Variants in CACNA1D observed in about 807,000 individuals in gnomAD.
The protein encoded by CACNA1D is voltage-dependent L-type calcium channel subunit alpha-1D.
CACNA1D carries 55 observed loss-of-function variants against 257.1 expected under a neutral mutation model. The ratio of observed to expected loss-of-function variants is 0.21; its 90% confidence interval spans 0.17 to 0.27. CACNA1D has a LOEUF of 0.27. Ranked by LOEUF, CACNA1D falls within the 10% of genes least tolerant of loss-of-function variation. The pLI is 1.00. For missense variants in CACNA1D, 1,876 were observed against 2,784.0 expected, an observed-to-expected ratio of 0.67 and a Z score of 7.34; for synonymous variants, 980 against 1,014.9, an observed-to-expected ratio of 0.97 and a Z score of 0.65.
chr3:53,695,232 G>A lies in CACNA1D; in HGVS notation c.1221-7409G>A, dbSNP rs74737929. ...GCAGCAGCTGAAAGGTCTTTAGAAC[G>A]TGCTGTGATCTGGTGTCGCTGCCGA... On this transcript the variant is annotated intron_variant, in intron 8 of 47. Transcript: ENST00000350061. Among the ~76,000 whole-genome samples the A allele has an allele frequency of 6.6e-5, 10 of 152,278 alleles. No individual in the cohort carries two copies. In the East Asian group the frequency reaches 1.9e-3, roughly 29 times the overall value.
chr3:53,770,328 C>A (rs2095359513), intron 31 of CACNA1D, 96 bp from the exon 32 acceptor site: 1 of 1,189,390 alleles, frequency 8.4e-7, no homozygotes, highest in Non-Finnish European at 1.3e-6. Context: ...ATCTTCAGTT[C>A]TTACCTCTGT....
chr3:53,663,583 C>T (rs1249229047), intron 5 of CACNA1D, among the ~76,000 whole-genome samples: 2 of 152,148 alleles, frequency 1.3e-5, no homozygotes, highest in Non-Finnish European at 2.9e-5. Context: ...TTTTCTGTCC[C>T]TTGGCGGGTA....
At chr3:53,659,219 A>G (rs2094179081) in intron 4 of CACNA1D, among the ~76,000 whole-genome samples, 1 of 152,192 alleles carries the variant, frequency 6.6e-6, no homozygotes, top group Admixed American at 6.5e-5. Flanking sequence ...CTGAAAATAG[A>G]TTTATCTGAA....
At chr3:53,558,727 G>A (rs1466858674) in intron 3 of CACNA1D, among the ~76,000 whole-genome samples, 4 of 152,130 alleles carry the variant, frequency 2.6e-5, no homozygotes, top group Non-Finnish European at 5.9e-5. Flanking sequence ...TGAGAAATCT[G>A]TAATAATTCA....
intron 3 of CACNA1D, among the ~76,000 whole-genome samples, chr3:53,617,012 C>T (rs180697605): frequency 6.6e-6 from 1 of 152,246 alleles, no homozygotes; most frequent in African/African-American, 2.4e-5. Context: ...TCCTCTGGGC[C>T]TTGCTTCCAG....
intron 3 of CACNA1D, among the ~76,000 whole-genome samples, chr3:53,608,124 A>G (rs1334949019): frequency 1.3e-5 from 2 of 152,242 alleles, no homozygotes; most frequent in African/African-American, 4.8e-5. Flanking sequence ...TCTTCTGTCC[A>G]TGAACATGTA....
In CACNA1D at chr3:53,658,829, A is replaced by G. The variant is rs939379051; in HGVS notation, c.624-1304A>G. On this transcript the variant is annotated intron_variant, in intron 4 of 47. Transcript: ENST00000350061. The stretch of plus-strand genomic sequence containing the variant: ...TCACCATCTGAAGCTTTGTAAAGGT[A>G]GAGACCGGGCTTGTTTTCCCTCCTG... 2.6e-5 allele frequency among the ~76,000 whole-genome samples: 4 copies of G among 152,358 alleles called. No individual in the cohort carries two copies. In the East Asian group the frequency reaches 5.8e-4, roughly 22 times the overall value.
intron 40 of CACNA1D, among the ~76,000 whole-genome samples, chr3:53,788,308 G>T (rs527772336): frequency 6.6e-6 from 1 of 152,170 alleles, no homozygotes; most frequent in African/African-American, 2.4e-5. Flanking sequence ...CCATGAATCC[G>T]ACTGAAGACA....
chr3:53,724,099 A>T (rs2094908046), intron 14 of CACNA1D, 100 bp downstream of exon 14: 1 of 957,634 alleles, frequency 1.0e-6, no homozygotes, highest in Non-Finnish European at 1.7e-6. Flanking sequence ...AAAGGACTCC[A>T]TTTTTGTTCA....
rs141123842 is a variant in CACNA1D, at chr3:53,549,404, A to G, written c.483+47684A>G. Among the ~76,000 whole-genome samples, 287 of 152,304 alleles carry G rather than the reference A, an allele frequency of 1.9e-3. 6 individuals carry two copies. The East Asian group carries it at 0.05, about 26-fold the overall frequency. On this transcript the variant is annotated intron_variant, in intron 3 of 47. Transcript: ENST00000350061. ...GGATATAGTGAACCCAACTCTTGGT[A>G]GACTTGGGCTCTATTTTTGCCTCAG...
chr3:53,500,884 G>A (rs775758090), intron 2 of CACNA1D, among the ~76,000 whole-genome samples: 11 of 152,120 alleles, frequency 7.2e-5, no homozygotes, highest in Non-Finnish European at 1.6e-4. Flanking sequence ...GTCTGGTGCT[G>A]ATTTCTTATG....
Position 53,801,656 on chromosome 3 carries a change from G to C in CACNA1D, c.5408+231G>C, listed in dbSNP as rs2070619. ...CGTGCCATCCTACATCCTGTGTGGG[G>C]TGCCGAGGGACCTTAAAACAGCAGC... On this transcript the variant is annotated intron_variant, in intron 42 of 47. Coordinates refer to ENST00000350061, the MANE Select transcript of CACNA1D (RefSeq NM_001128840.3). Among the ~76,000 whole-genome samples the C allele has an allele frequency of 3.3e-3, 498 of 152,298 alleles. 3 individuals are homozygous for C. In the East Asian group the frequency reaches 0.038, roughly 12 times the overall value.
At position 53,543,151 on chromosome 3, in the gene CACNA1D, A is replaced by C. The variant is rs1037700648; in HGVS notation, c.483+41431A>C. On this transcript the variant is annotated intron_variant, in intron 3 of 47. Coordinates refer to ENST00000350061, the MANE Select transcript of CACNA1D (RefSeq NM_001128840.3). ...AAATAAAGAAAGAAATAAATAAATAAATGAAGAAGTCAATCGGTACCATAA... is the reference window on the plus strand; with the variant it reads ...AAATAAAGAAAGAAATAAATAAATACATGAAGAAGTCAATCGGTACCATAA... 3.3e-5 allele frequency among the ~76,000 whole-genome samples: 5 copies of C among 151,296 alleles called. No individual in the cohort carries two copies. The East Asian group carries it at 5.8e-4, about 17-fold the overall frequency.
intron 3 of CACNA1D, among the ~76,000 whole-genome samples, chr3:53,554,207 A>T (rs2092596432): frequency 6.6e-6 from 1 of 152,066 alleles, no homozygotes; most frequent in South Asian, 2.1e-4. Context: ...AAAAAAAAAA[A>T]AAGGTGGAAA....
intron 3 of CACNA1D, among the ~76,000 whole-genome samples, chr3:53,627,356 A>G (rs3774486): frequency 0.63 from 96,202 of 152,164 alleles, 32,585 homozygotes; most frequent in African/African-American, 0.87. Context: ...CCAGGTCAAA[A>G]GGTAGCATGG....
At position 53,609,701 on chromosome 3, in the gene CACNA1D, T is replaced by G. The variant is rs140838419; in HGVS notation, c.484-41078T>G. On this transcript the variant is annotated intron_variant, in intron 3 of 47. Coordinates refer to ENST00000350061, the MANE Select transcript of CACNA1D (RefSeq NM_001128840.3). ...TGGAAATTTCTAAGAGTCGTTGATG[T>G]TGAAAAAACCACCTTTTTCTTCCCT... 1.9e-3 allele frequency among the ~76,000 whole-genome samples: 288 copies of G among 152,322 alleles called. 1 individual carries two copies. Among genetic ancestry groups the G allele is most frequent in the African/African-American group, 6.5e-3 (271 of 41,582 alleles).
At chr3:53,767,605 G>T (rs1484143483) in intron 30 of CACNA1D, among the ~76,000 whole-genome samples, 3 of 150,866 alleles carry the variant, frequency 2.0e-5, no homozygotes, top group Non-Finnish European at 4.4e-5. Flanking sequence ...TTCCCAACAT[G>T]CAGATACGCC....
chr3:53,648,088 G>GAAACAA, intron 3 of CACNA1D, among the ~76,000 whole-genome samples: 1 of 152,184 alleles, frequency 6.6e-6, no homozygotes, highest in African/African-American at 2.4e-5. Flanking sequence ...TTGTTTGGGA[G>GAAACAA]GTGTACTGTC....
In CACNA1D at chr3:53,534,454, G is replaced by T. The variant is rs3774434; in HGVS notation, c.483+32734G>T. On this transcript the variant is annotated intron_variant, in intron 3 of 47. Coordinates refer to ENST00000350061, the MANE Select transcript of CACNA1D (RefSeq NM_001128840.3). ...CCACGTCCTGAGGGGATAGAAAGAC[G>T]GAGTCTGCATAACCTCCGCATCTTC... Among the ~76,000 whole-genome samples the T allele has an allele frequency of 5.3e-4, 80 of 152,300 alleles. 1 individual carries two copies. In the East Asian group the frequency reaches 0.015, roughly 29 times the overall value.
Sources: allele counts gnomAD v4.1 joint callset (sites outside exome capture counted in the v4.1 genomes callset), GRCh38; gene constraint gnomAD v4.1.1; transcripts MANE v1.5; gene names NCBI Gene and HGNC (gene_info 2026-07-23, HGNC 2026-07-21).